The following ILRUN variants were observed in gnomAD, a reference collection of about 807,000 sequenced individuals.
ILRUN encodes the protein inflammation and lipid regulator with UBA-like and NBR1-like domains.
In ILRUN, 3 loss-of-function variants were observed where a neutral mutation model predicts 33.8. The observed-to-expected ratio is 0.09, with a 90% CI of 0.04 to 0.23. The LOEUF is 0.23. Among genes scored for constraint, ILRUN ranks in the 10% least tolerant of loss-of-function variants. ILRUN has a pLI of 1.00. For missense variants in ILRUN, 210 were observed against 375.1 expected (o/e 0.56, Z 3.64); for synonymous variants, 124 against 138.9 (o/e 0.89, Z 0.75).
At chr6:34,682,343 C>T (rs1374416626) in intron 1 of ILRUN, among the ~76,000 whole-genome samples, 8 of 150,760 alleles carry the variant, frequency 5.3e-5, no homozygotes, top group Admixed American at 1.3e-4. Flanking sequence ...CTGCAAGCTC[C>T]GCCTCCCGGG....
intron 4 of ILRUN, among the ~76,000 whole-genome samples, chr6:34,602,546 C>T (rs928599936): frequency 6.6e-6 from 1 of 152,284 alleles, no homozygotes; most frequent in African/African-American, 2.4e-5. Context: ...CTTGAGTCAA[C>T]GGAGTGAGCA....
intron 3 of ILRUN, among the ~76,000 whole-genome samples, chr6:34,626,230 G>C (rs1454373578): frequency 6.6e-6 from 1 of 152,082 alleles, no homozygotes; most frequent in East Asian, 1.9e-4. Flanking sequence ...GGAGTGCAAT[G>C]GTGCTATCAC....
chr6:34,645,787 A>G lies in ILRUN; in HGVS notation c.511+814T>C, dbSNP rs186201325. The stretch of plus-strand genomic sequence containing the variant: ...GATATTAATTTGAGCATCACCGTGT[A>G]TGGTATACTGGCGACAGCTGAAGCC... On this transcript the variant is annotated intron_variant, in intron 3 of 4. Coordinates refer to ENST00000374023, the MANE Select transcript of ILRUN (RefSeq NM_024294.4). Among the ~76,000 whole-genome samples the G allele has an allele frequency of 1.4e-4, 21 of 152,338 alleles. 1 individual carries two copies. The South Asian group carries it at 1.9e-3, about 14-fold the overall frequency.
chr6:34,595,704 A>C, intron 4 of ILRUN: 1 of 938,198 alleles, frequency 1.1e-6, no homozygotes, highest in Non-Finnish European at 1.3e-6. Context: ...ACAACACAGG[A>C]CTTTCACATA....
intron 1 of ILRUN, among the ~76,000 whole-genome samples, chr6:34,663,519 A>AAG (rs138211479): frequency 2.6e-4 from 40 of 152,012 alleles, no homozygotes; most frequent in East Asian, 2.5e-3. Context: ...ACTTAAAAAA[A>AAG]AGAGAGAGAG....
chr6:34,678,542 T>C (rs933982010), intron 1 of ILRUN, among the ~76,000 whole-genome samples: 1 of 151,512 alleles, frequency 6.6e-6, no homozygotes, highest in African/African-American at 2.4e-5. Flanking sequence ...ACTTTTACAA[T>C]TGAGTATAAA....
chr6:34,591,947 G>A (rs973621527), intron 4 of ILRUN, among the ~76,000 whole-genome samples: 8 of 152,270 alleles, frequency 5.3e-5, no homozygotes, highest in Non-Finnish European at 1.0e-4. Flanking sequence ...TTTCTATGCT[G>A]CTTGGCTGAG....
Position 34,649,354 on chromosome 6 carries a change from A to G in ILRUN, c.314-2556T>C, listed in dbSNP as rs555163247. ...TACCTGAAATCTGAGTTCGAGAAGT[A>G]TAATAGAACTGGACTCCAAATTAAG... On this transcript the variant is annotated intron_variant, in intron 2 of 4. Transcript: ENST00000374023. Among the ~76,000 whole-genome samples, 32 of 152,312 alleles carry G rather than the reference A, an allele frequency of 2.1e-4. No homozygotes were observed. In the South Asian group the frequency reaches 5.2e-3, roughly 25 times the overall value.
rs541835490 is a variant in ILRUN, at chr6:34,595,949, C to T, written c.862-5349G>A. 20 of 981,008 alleles carry T rather than the reference C, an allele frequency of 2.0e-5. No homozygotes were observed. In the African/African-American group the frequency reaches 3.1e-4, roughly 15 times the overall value. The allele number at this position is 981,008 out of a possible 1,614,324, so 60.8% of individuals were successfully genotyped here. On this transcript the variant is annotated intron_variant, in intron 4 of 4. Transcript: ENST00000374023. ...GCTCCTTTTGTATCACTTATGTACA[C>T]TGAATGCAAACACAGAAGAATACAG...
Position 34,588,137 on chromosome 6 carries a change from C to T in ILRUN, c.*2428G>A. The T allele has an allele frequency of 2.5e-6, 1 of 398,980 alleles. No individual in the cohort carries two copies. Among genetic ancestry groups the T allele is most frequent in the Non-Finnish European group, 4.4e-6 (1 of 226,334 alleles). 24.7% of individuals were successfully genotyped at this position (398,980 alleles called of 1,614,324 possible). A position where few individuals can be genotyped will look rare whatever the true frequency, so the allele number is the denominator to read the frequency against. The stretch of plus-strand genomic sequence containing the variant: ...TGGGCTGGGGAAGCCATGGACCCCT[C>T]TGCCTGCACTCCATGACTTGCACTT... On this transcript the variant is annotated 3_prime_UTR_variant, in exon 5 of 5. Transcript: ENST00000374023.
At chr6:34,605,795 A>G (rs1244253474) in intron 4 of ILRUN, among the ~76,000 whole-genome samples, 1 of 152,236 alleles carries the variant, frequency 6.6e-6, no homozygotes, top group African/African-American at 2.4e-5. Context: ...ATGTGGTAAT[A>G]TGGGTAGGAT....
At chr6:34,677,551 C>T (rs1763261762) in intron 1 of ILRUN, among the ~76,000 whole-genome samples, 1 of 147,602 alleles carries the variant, frequency 6.8e-6, no homozygotes, top group African/African-American at 2.4e-5. Flanking sequence ...ATATGAGTAG[C>T]TATATATATG....
Position 34,674,410 on chromosome 6 carries a change from G to A in ILRUN, c.159-19631C>T, listed in dbSNP as rs78453258. On this transcript the variant is annotated intron_variant, in intron 1 of 4. Transcript: ENST00000374023. ...TTATATATGAGAAAGCTGAGGCACA[G>A]AGACAGTAACTTGCCATATGTCACA... Among the ~76,000 whole-genome samples the A allele has an allele frequency of 2.9e-4, 44 of 152,300 alleles. No individual in the cohort carries two copies. The East Asian group carries it at 7.7e-3, about 27-fold the overall frequency.
In ILRUN at chr6:34,592,516, G is replaced by C. The variant is rs205266; in HGVS notation, c.862-1916C>G. On this transcript the variant is annotated intron_variant, in intron 4 of 4. Transcript: ENST00000374023. This position sits in a 1 kb window ranked among gnomAD's most constrained non-coding sequence, Gnocchi z 4.0. ...GATTCCATTTTGCAAGTCCTGGTAG[G>C]GGGGGTCCCATACATCAGAGGTATC... Among the ~76,000 whole-genome samples the C allele has an allele frequency of 3.6e-4, 55 of 152,236 alleles. No individual in the cohort carries two copies. The highest frequency in any genetic ancestry group is 1.2e-3 in the African/African-American group (51 of 41,506).
chr6:34,647,800 T>A (rs1401269638), intron 2 of ILRUN, among the ~76,000 whole-genome samples: 3 of 152,122 alleles, frequency 2.0e-5, no homozygotes, highest in Non-Finnish European at 4.4e-5. Flanking sequence ...GCTGACCTCA[T>A]GATCCGTCTG....
At chr6:34,651,660 G>A (rs1762671003) in intron 2 of ILRUN, among the ~76,000 whole-genome samples, 1 of 149,856 alleles carries the variant, frequency 6.7e-6, no homozygotes, top group Non-Finnish European at 1.5e-5. Flanking sequence ...AAGTAAACAA[G>A]GTACTGACTT....
chr6:34,683,431 T>TATATATACATATATATATAC (rs1445122135), intron 1 of ILRUN, among the ~76,000 whole-genome samples: 49 of 46,354 alleles, frequency 1.1e-3, no homozygotes, highest in African/African-American at 3.5e-3. Flanking sequence ...TATATATACA[T>TATATATACATATATATATAC]ATATATATAC....
At chr6:34,665,008 A>G (rs936235141) in intron 1 of ILRUN, among the ~76,000 whole-genome samples, 2 of 151,950 alleles carry the variant, frequency 1.3e-5, no homozygotes, top group African/African-American at 4.8e-5. Flanking sequence ...TTGTGCTGTC[A>G]CCCAGGCTGG....
At chr6:34,662,702 T>C (rs1762914594) in intron 1 of ILRUN, among the ~76,000 whole-genome samples, 1 of 152,242 alleles carries the variant, frequency 6.6e-6, no homozygotes, top group South Asian at 2.1e-4. Context: ...AGTTTCTGTT[T>C]TGCAAGATGA....
Sources: gnomAD v4.1 joint callset for allele counts (sites outside exome capture counted in the v4.1 genomes callset) on GRCh38, gnomAD v4.1.1 for gene constraint, Gnocchi (gnomAD v3.1) non-coding constraint, MANE v1.5 for transcripts, NCBI Gene and HGNC (gene_info 2026-07-23, HGNC 2026-07-21) for gene names.